RPS4Y1: variants seen among roughly 807,000 people sequenced by gnomAD.
The protein encoded by RPS4Y1 is ribosomal protein S4 Y-linked 1, also known as small ribosomal subunit protein eS4, Y isoform 1.
For synonymous variants in RPS4Y1, 23 were observed against 20.8 expected (o/e 1.10, Z -0.28); for missense variants, 30 against 60.9 (o/e 0.49, Z 1.69).
intron 2 of RPS4Y1, among the ~76,000 whole-genome samples, chrY:2,843,247 G>A: frequency 6.0e-5 from 2 of 33,438 alleles, no homozygotes; most frequent in Non-Finnish European, 1.5e-4. Context: ...GGATGAGCAA[G>A]GCACTCTTTA....
chrY:2,858,921 C>A, intron 5 of RPS4Y1, among the ~76,000 whole-genome samples: 1 of 32,646 alleles, frequency 3.1e-5, no homozygotes, highest in Non-Finnish European at 7.5e-5. Context: ...TTCCTTCTGC[C>A]AACCTTGGGT....
Position 2,841,861 on chromosome Y carries a change from C to A in RPS4Y1, c.3+234C>A. On this transcript the variant is annotated intron_variant, in intron 1 of 6. Transcript: ENST00000250784. ...CATCCTTGACGCAGCCCGGCAGTGG[C>A]TTTTTACCCGGATTAGCTTATTTTC... 1.7e-5 allele frequency: 6 copies of A among 350,578 alleles called. No individual in the cohort carries two copies. In the South Asian group the frequency reaches 2.0e-4, roughly 12 times the overall value. The allele number at this position is 350,578 out of a possible 400,897, so 87.4% of individuals were successfully genotyped here.
At chrY:2,858,344 C>G in intron 5 of RPS4Y1, among the ~76,000 whole-genome samples, 1 of 33,072 alleles carries the variant, frequency 3.0e-5, no homozygotes, top group Non-Finnish European at 7.4e-5. Context: ...TTCACCCTTA[C>G]TGATTGTTTC....
At chrY:2,853,464 A>C in intron 4 of RPS4Y1, among the ~76,000 whole-genome samples, 2 of 33,686 alleles carry the variant, frequency 5.9e-5, no homozygotes, top group South Asian at 1.3e-3. Context: ...CCACTTTGTC[A>C]CTTCTGAGCG....
chrY:2,851,665 T>A lies in RPS4Y1; in HGVS notation c.361-2935T>A, dbSNP rs75351225. On this transcript the variant is annotated intron_variant, in intron 4 of 6. Transcript: ENST00000250784. Reference sequence around the variant, plus strand: ...TTAGTATCCCTCTGTGCCCTTGTTATATCATTTATTGTCTGAGGCAGTTCT... The same window carrying A: ...TTAGTATCCCTCTGTGCCCTTGTTAAATCATTTATTGTCTGAGGCAGTTCT... Among the ~76,000 whole-genome samples, 4 of 33,248 alleles carry A rather than the reference T, an allele frequency of 1.2e-4. No homozygotes were observed. The East Asian group carries it at 3.2e-3, about 27-fold the overall frequency. The allele number at this position is 33,248 out of a possible 37,273, so 89.2% of individuals were successfully genotyped here.
intron 5 of RPS4Y1, 83 bp from the exon 6 acceptor site, chrY:2,865,005 G>T: frequency 4.0e-6 from 1 of 249,766 alleles, no homozygotes; most frequent in Non-Finnish European, 6.0e-6. Context: ...TGGTGAGCCC[G>T]TGTGTGTTAA....
chrY:2,860,177 G>C (rs2051162663), intron 5 of RPS4Y1, among the ~76,000 whole-genome samples: 1 of 33,449 alleles, frequency 3.0e-5, no homozygotes, highest in Non-Finnish European at 7.4e-5. Context: ...TGGGAGTGGA[G>C]GAGAAATCTG....
At chrY:2,842,033 G>A in intron 1 of RPS4Y1, 132 bp from the exon 2 acceptor site, 1 of 321,188 alleles carries the variant, frequency 3.1e-6, no homozygotes, top group Admixed American at 8.2e-5. Context: ...GTTCAAAACG[G>A]GGCTTGAGTA....
At chrY:2,853,984 C>A (rs2051157962) in intron 4 of RPS4Y1, 1 of 33,272 alleles carries the variant, frequency 3.0e-5, no homozygotes, top group Non-Finnish European at 7.4e-5. Context: ...AGGCATGTGC[C>A]ACCACCCGGG....
At chrY:2,846,639 A>G in intron 4 of RPS4Y1, among the ~76,000 whole-genome samples, 1 of 33,709 alleles carries the variant, frequency 3.0e-5, no homozygotes, top group Admixed American at 2.7e-4. Flanking sequence ...TGCAGGGTCC[A>G]TTCTGTTTTT....
chrY:2,849,392 C>A, intron 4 of RPS4Y1, among the ~76,000 whole-genome samples: 1 of 33,615 alleles, frequency 3.0e-5, no homozygotes, highest in African/African-American at 1.2e-4. Context: ...TGGCTTTGAG[C>A]CTGCCTACTT....
intron 5 of RPS4Y1, among the ~76,000 whole-genome samples, chrY:2,864,565 C>A (rs2051165826): frequency 6.0e-5 from 2 of 33,353 alleles, no homozygotes; most frequent in Non-Finnish European, 1.5e-4. Context: ...TTATGTCCCG[C>A]AAAAATAACT....
At chrY:2,851,053 C>T (rs2124489955) in intron 4 of RPS4Y1, among the ~76,000 whole-genome samples, 1 of 29,426 alleles carries the variant, frequency 3.4e-5, no homozygotes, top group South Asian at 8.2e-4. Flanking sequence ...CCGTTTTAGC[C>T]GGGATGGTCT....
At position 2,856,148 on chromosome Y, in the gene RPS4Y1, T is replaced by A. The variant is rs576200590; in HGVS notation, c.532+1377T>A. On this transcript the variant is annotated intron_variant, in intron 5 of 6. Transcript: ENST00000250784. Reference sequence around the variant, plus strand: ...ATACCTTTGAGAATAATTTTTTTTTTAATTTTTTGAGATAGAGTCTTGCTC... The same window carrying A: ...ATACCTTTGAGAATAATTTTTTTTTAAATTTTTTGAGATAGAGTCTTGCTC... 3.9e-4 allele frequency among the ~76,000 whole-genome samples: 13 copies of A among 33,366 alleles called. No homozygotes were observed. The South Asian group carries it at 4.1e-3, about 10-fold the overall frequency. The allele number at this position is 33,366 out of a possible 37,273, so 89.5% of individuals were successfully genotyped here. A position where few individuals can be genotyped will look rare whatever the true frequency, so the allele number is the denominator to read the frequency against.
intron 3 of RPS4Y1, among the ~76,000 whole-genome samples, chrY:2,844,728 A>G (rs2051151539): frequency 3.0e-5 from 1 of 33,494 alleles, no homozygotes; most frequent in East Asian, 7.8e-4. Flanking sequence ...CTCAGAGGAA[A>G]CTGGCTAACG....
intron 5 of RPS4Y1, among the ~76,000 whole-genome samples, chrY:2,861,775 C>T (rs2051163754): frequency 3.3e-5 from 1 of 29,858 alleles, no homozygotes; most frequent in African/African-American, 1.3e-4. Context: ...CCACCATGCC[C>T]GGCTAATTTT....
At chrY:2,854,831 T>G in intron 5 of RPS4Y1, 60 bp downstream of exon 5, 1 of 238,559 alleles carries the variant, frequency 4.2e-6, no homozygotes, top group East Asian at 9.8e-5. Context: ...TTCTTTTTCT[T>G]TCTATTTTAT....
intron 5 of RPS4Y1, among the ~76,000 whole-genome samples, chrY:2,858,075 C>CT (rs2051161200): frequency 6.9e-5 from 2 of 28,957 alleles, no homozygotes; most frequent in African/African-American, 1.3e-4. Context: ...TATATATTTT[C>CT]TTTTTTTTTT....
chrY:2,848,583 A>G (rs2051154139), intron 4 of RPS4Y1, among the ~76,000 whole-genome samples: 1 of 33,361 alleles, frequency 3.0e-5, no homozygotes, highest in Admixed American at 2.7e-4. Flanking sequence ...CCTTGCAGTC[A>G]AGATTGTATG....
Sources: gnomAD v4.1 joint callset for allele counts (sites outside exome capture counted in the v4.1 genomes callset) on GRCh38, gnomAD v4.1.1 for gene constraint, MANE v1.5 for transcripts, NCBI Gene and HGNC (gene_info 2026-07-23, HGNC 2026-07-21) for gene names.